Variants in NTRK3 observed in about 807,000 individuals in gnomAD.
The protein encoded by NTRK3 is NT-3 growth factor receptor.
In NTRK3, 24 loss-of-function variants were observed where a neutral mutation model predicts 91.7. The observed-to-expected ratio is 0.26, with a 90% CI of 0.19 to 0.37. The LOEUF (loss-of-function observed/expected upper bound fraction) is 0.37. NTRK3 is among the 10% of genes least tolerant of loss of function. The probability of loss-of-function intolerance (pLI) is 1.00; values close to 1 mark genes in which losing one functional copy is unlikely to be tolerated. For synonymous variants in NTRK3, 483 were observed against 404.0 expected (o/e 1.20, Z -2.34); for missense variants, 880 against 1,068.9 (o/e 0.82, Z 2.46).
chr15:88,192,988 T>C (rs1455018158), intron 3 of NTRK3, among the ~76,000 whole-genome samples: 1 of 152,184 alleles, frequency 6.6e-6, no homozygotes, highest in Non-Finnish European at 1.5e-5. Context: ...GTCATCAGTG[T>C]CTCTACATTA....
intron 13 of NTRK3, among the ~76,000 whole-genome samples, chr15:88,073,706 C>G (rs1415158733): frequency 6.6e-6 from 1 of 152,004 alleles, no homozygotes; most frequent in Non-Finnish European, 1.5e-5. Flanking sequence ...GCCTGAAGGA[C>G]AAAGAGAGAA....
At chr15:88,000,005 C>T (rs1037690805) in intron 14 of NTRK3, among the ~76,000 whole-genome samples, 14 of 152,182 alleles carry the variant, frequency 9.2e-5, no homozygotes, top group Non-Finnish European at 1.8e-4. Context: ...TGATACTTAT[C>T]AGACTTCTTA....
intron 13 of NTRK3, among the ~76,000 whole-genome samples, chr15:88,038,057 T>G (rs368099160): frequency 6.6e-6 from 1 of 152,200 alleles, no homozygotes; most frequent in Non-Finnish European, 1.5e-5. Flanking sequence ...AAAGGGATAC[T>G]TGATCAATTC....
chr15:87,909,097 C>G (rs1180426317), intron 17 of NTRK3, among the ~76,000 whole-genome samples: 1 of 152,066 alleles, frequency 6.6e-6, no homozygotes, highest in Non-Finnish European at 1.5e-5. Flanking sequence ...TTAGGGCTAC[C>G]CAGATTCCCT....
intron 15 of NTRK3, among the ~76,000 whole-genome samples, chr15:87,936,831 G>T (rs1425640770): frequency 4.6e-5 from 7 of 152,078 alleles, no homozygotes; most frequent in Admixed American, 4.6e-4. Context: ...ACATACAGGG[G>T]TGCCCCTCTC....
intron 3 of NTRK3, among the ~76,000 whole-genome samples, chr15:88,254,255 G>A (rs893134518): frequency 6.6e-6 from 1 of 152,146 alleles, no homozygotes; most frequent in Admixed American, 6.5e-5. Flanking sequence ...CCAAGTCTGA[G>A]TTTCCCTAAC....
chr15:87,970,190 T>C lies in NTRK3; in HGVS notation c.1586-29437A>G, dbSNP rs188714928. Among the ~76,000 whole-genome samples, 24 of 152,302 alleles carry C rather than the reference T, an allele frequency of 1.6e-4. No individual in the cohort carries two copies. In the East Asian group the frequency reaches 3.9e-3, roughly 24 times the overall value. ...GTTGAGACTGGGATCCGGGTCTTCA[T>C]TGCTGTATGCTACCACTAGATGATG... is the stretch of plus-strand genomic sequence containing the variant. On this transcript the variant is annotated intron_variant, in intron 14 of 18. Transcript: ENST00000394480.
chr15:87,996,176 G>A (rs528179549), intron 14 of NTRK3, among the ~76,000 whole-genome samples: 9 of 152,174 alleles, frequency 5.9e-5, no homozygotes, highest in African/African-American at 1.2e-4. Context: ...CCCGGGAGGC[G>A]GAGGTTGCAG....
rs560980412 is a variant in NTRK3, at chr15:87,870,106, A to C, written c.*6829T>G. ...ATACTTGCACACATATGTTTATAGC[A>C]GCACAATTTGCAATTGCAAAAAGTG... is the stretch of plus-strand genomic sequence containing the variant. On this transcript the variant is annotated 3_prime_UTR_variant, in exon 19 of 19. Transcript: ENST00000394480. 1.3e-3 allele frequency: 235 copies of C among 186,510 alleles called. 1 individual carries two copies. Among genetic ancestry groups the C allele is most frequent in the African/African-American group, 5.1e-3 (217 of 42,808 alleles). The allele number at this position is 186,510 out of a possible 1,614,324, so 11.6% of individuals were successfully genotyped here. A position where few individuals can be genotyped will look rare whatever the true frequency, so the allele number is the denominator to read the frequency against.
intron 3 of NTRK3, among the ~76,000 whole-genome samples, chr15:88,247,293 G>A (rs1409235061): frequency 6.6e-6 from 1 of 152,162 alleles, no homozygotes; most frequent in African/African-American, 2.4e-5. Flanking sequence ...ACCAACAGGC[G>A]GATGGAGACC....
chr15:88,168,793 G>T (rs1275549844), intron 5 of NTRK3, among the ~76,000 whole-genome samples: 4 of 152,220 alleles, frequency 2.6e-5, no homozygotes, highest in African/African-American at 9.6e-5. Flanking sequence ...CTGCTCCTGA[G>T]AGGCACCAGC....
intron 17 of NTRK3, among the ~76,000 whole-genome samples, chr15:87,901,911 C>T (rs371956678): frequency 1.3e-5 from 2 of 151,952 alleles, no homozygotes; most frequent in Admixed American, 6.6e-5. Flanking sequence ...TATTCACCAC[C>T]AAGTTAAAGT....
At chr15:88,033,179 T>TATATATATAC in intron 13 of NTRK3, 134 bp from the exon 14 acceptor site, 1 of 42,472 alleles carries the variant, frequency 2.4e-5, no homozygotes, top group Non-Finnish European at 4.7e-5. Context: ...GGGTGTGTTA[T>TATATATATAC]ATATATATAT....
intron 3 of NTRK3, among the ~76,000 whole-genome samples, chr15:88,201,415 AT>A (rs1266400718): frequency 6.6e-6 from 1 of 152,164 alleles, no homozygotes; most frequent in African/African-American, 2.4e-5. Flanking sequence ...CCACCATATC[AT>A]GTGCAATTCA....
chr15:88,114,314 A>G (rs751941646), intron 13 of NTRK3, among the ~76,000 whole-genome samples: 12 of 152,162 alleles, frequency 7.9e-5, no homozygotes, highest in Non-Finnish European at 1.6e-4. Context: ...AAAATCCCAA[A>G]TCCCACCACC....
chr15:87,892,904 A>C (rs1168864184), intron 17 of NTRK3, among the ~76,000 whole-genome samples: 1 of 152,244 alleles, frequency 6.6e-6, no homozygotes, highest in African/African-American at 2.4e-5. Context: ...CATGTGTTTA[A>C]TAGATGATGT....
intron 3 of NTRK3, among the ~76,000 whole-genome samples, chr15:88,197,115 A>AAC: frequency 1.5e-5 from 2 of 129,094 alleles, no homozygotes; most frequent in South Asian, 2.2e-4. Context: ...AAAAAAAAAA[A>AAC]AAAAAAAAAA....
intron 13 of NTRK3, among the ~76,000 whole-genome samples, chr15:88,108,218 C>T (rs2050923038): frequency 6.6e-6 from 1 of 152,222 alleles, no homozygotes. Context: ...GCCTACCCTC[C>T]ATGAAACCCA....
intron 3 of NTRK3, among the ~76,000 whole-genome samples, chr15:88,202,930 C>G (rs572241301): frequency 6.6e-6 from 1 of 152,238 alleles, no homozygotes; most frequent in African/African-American, 2.4e-5. Flanking sequence ...GGATGAGACA[C>G]TGCAAATCTT....
Sources: gnomAD v4.1 joint callset for allele counts (sites outside exome capture counted in the v4.1 genomes callset) on GRCh38, gnomAD v4.1.1 for gene constraint, MANE v1.5 for transcripts, NCBI Gene and HGNC (gene_info 2026-07-23, HGNC 2026-07-21) for gene names.